CHN2: variants seen among roughly 807,000 people sequenced by gnomAD.
CHN2 encodes beta-chimaerin.
In CHN2, 35 loss-of-function variants were observed where a neutral mutation model predicts 56.3. The ratio of observed to expected loss-of-function variants is 0.62; its 90% CI spans 0.47 to 0.82. The LOEUF is 0.82. CHN2 is among the 40% of genes least tolerant of loss of function. The pLI is 0.00. For synonymous variants in CHN2, 210 were observed against 212.8 expected, an observed-to-expected ratio of 0.99 and a Z score of 0.12; for missense variants, 491 against 580.5, an observed-to-expected ratio of 0.85 and a Z score of 1.58.
intron 1 of CHN2, among the ~76,000 whole-genome samples, chr7:29,223,439 C>A (rs186365693): frequency 6.6e-6 from 1 of 152,288 alleles, no homozygotes; most frequent in East Asian, 1.9e-4. Context: ...CTCCCCATAT[C>A]AATCACTATG....
intron 3 of CHN2, among the ~76,000 whole-genome samples, chr7:29,371,178 G>A (rs138633799): frequency 5.9e-5 from 9 of 152,264 alleles, no homozygotes; most frequent in East Asian, 1.9e-4. Flanking sequence ...GGACAGAGTC[G>A]AAGTGATGAC....
At chr7:29,254,205 T>A (rs1174458205) in intron 1 of CHN2, among the ~76,000 whole-genome samples, 2 of 152,174 alleles carry the variant, frequency 1.3e-5, no homozygotes, top group Non-Finnish European at 2.9e-5. Flanking sequence ...ACCCAGCCGC[T>A]ATTCTTTTTC....
intron 1 of CHN2, among the ~76,000 whole-genome samples, chr7:29,350,665 G>A (rs1312158586): frequency 2.6e-5 from 4 of 152,194 alleles, no homozygotes; most frequent in Admixed American, 2.6e-4. Context: ...TGAAGAGAGA[G>A]AAGACAACAG....
At chr7:29,312,903 A>G (rs969586509) in intron 1 of CHN2, among the ~76,000 whole-genome samples, 1 of 150,924 alleles carries the variant, frequency 6.6e-6, no homozygotes, top group Non-Finnish European at 1.5e-5. Context: ...GCCTCCCCAC[A>G]CTCCAGTCTC....
chr7:29,255,275 G>A (rs1467373260), intron 1 of CHN2, among the ~76,000 whole-genome samples: 5 of 152,184 alleles, frequency 3.3e-5, no homozygotes, highest in Non-Finnish European at 7.3e-5. Context: ...CTCCAGGGAA[G>A]GCCATCGAGC....
At chr7:29,240,864 TCTTCTTCCTTCTTC>T (rs547619658) in intron 1 of CHN2, among the ~76,000 whole-genome samples, 77 of 152,042 alleles carry the variant, frequency 5.1e-4, no homozygotes, top group Admixed American at 1.0e-3. Flanking sequence ...CTTTCTTCTT[TCTTCTTCCTTCTTC>T]CTTCTTCCTT....
intron 6 of CHN2, among the ~76,000 whole-genome samples, chr7:29,467,540 C>T (rs1231843527): frequency 1.3e-5 from 2 of 152,206 alleles, no homozygotes; most frequent in Non-Finnish European, 2.9e-5. Flanking sequence ...TGCAGACACA[C>T]GCATTTATCC....
intron 1 of CHN2, among the ~76,000 whole-genome samples, chr7:29,234,736 C>T (rs545624798): frequency 3.3e-5 from 5 of 152,164 alleles, no homozygotes; most frequent in Non-Finnish European, 7.4e-5. Context: ...TCACATGAGC[C>T]TTCTGTACTC....
intron 1 of CHN2, among the ~76,000 whole-genome samples, chr7:29,243,187 A>T (rs1052061422): frequency 6.6e-6 from 1 of 152,116 alleles, no homozygotes; most frequent in African/African-American, 2.4e-5. Flanking sequence ...AATTTTTTCA[A>T]TTTTTTTAAT....
chr7:29,237,921 T>A (rs1172659638), intron 1 of CHN2, among the ~76,000 whole-genome samples: 6 of 151,968 alleles, frequency 3.9e-5, no homozygotes, highest in Non-Finnish European at 7.4e-5. Flanking sequence ...TCTTTCCTGC[T>A]GCACGGCACA....
chr7:29,214,889 A>G (rs1173299111), intron 1 of CHN2, among the ~76,000 whole-genome samples: 1 of 152,094 alleles, frequency 6.6e-6, no homozygotes, highest in East Asian at 1.9e-4. Flanking sequence ...GCCAGCCACC[A>G]TGCTTGGCTT....
chr7:29,282,757 T>G (rs1791823761), intron 1 of CHN2, among the ~76,000 whole-genome samples: 1 of 152,134 alleles, frequency 6.6e-6, no homozygotes, highest in African/African-American at 2.4e-5. Context: ...TGTGAGCAGT[T>G]TATACTAACA....
intron 2 of CHN2, among the ~76,000 whole-genome samples, chr7:29,185,226 A>G (rs1798565921): frequency 1.3e-5 from 2 of 152,194 alleles, no homozygotes; most frequent in Non-Finnish European, 2.9e-5. Context: ...GCTGGAAAAC[A>G]TCTGCCTCAC....
chr7:29,417,916 C>T (rs986295718), intron 6 of CHN2, among the ~76,000 whole-genome samples: 1 of 152,162 alleles, frequency 6.6e-6, no homozygotes, highest in Non-Finnish European at 1.5e-5. Context: ...AAGACACGTG[C>T]TAGGGGCCTG....
chr7:29,182,995 A>G (rs754187259), intron 2 of CHN2, among the ~76,000 whole-genome samples: 5 of 152,168 alleles, frequency 3.3e-5, no homozygotes, highest in African/African-American at 2.4e-5. Flanking sequence ...GAAGGGATAT[A>G]TGAAAACAGC....
In CHN2 at chr7:29,480,341, GAC is replaced by G. The variant is rs1787051223; in HGVS notation, c.645_646del (p.His215GlnfsTer3). 2 of 1,614,052 alleles carry G rather than the reference GAC, an allele frequency of 1.2e-6. No individual in the cohort carries two copies. The highest frequency in any genetic ancestry group is 1.3e-5 in the African/African-American group (1 of 74,914). ...HNDNHFNYEK[T>X]HNFKVHTFRG... ...ACGACAACCACTTCAATTATGAGAA[GAC>G]ACACAACTTTAAGGTAAGCAAGCCT... On this transcript the variant is annotated frameshift_variant, in exon 7 of 13. Transcript: ENST00000222792. LOFTEE classifies it high-confidence loss of function.
intron 1 of CHN2, among the ~76,000 whole-genome samples, chr7:29,275,619 C>A (rs1228979557): frequency 3.3e-5 from 5 of 152,158 alleles, no homozygotes; most frequent in Admixed American, 3.3e-4. Flanking sequence ...GCTAAGTACT[C>A]GGTATGTAAT....
At chr7:29,316,367 C>T (rs1268192618) in intron 1 of CHN2, among the ~76,000 whole-genome samples, 1 of 152,132 alleles carries the variant, frequency 6.6e-6, no homozygotes, top group Non-Finnish European at 1.5e-5. Context: ...TTTATAATTT[C>T]AGGTAAGGCA....
chr7:29,392,298 T>C (rs1433461891), intron 3 of CHN2, among the ~76,000 whole-genome samples: 1 of 152,226 alleles, frequency 6.6e-6, no homozygotes, highest in Non-Finnish European at 1.5e-5. Context: ...TGACAACATA[T>C]TCAATTCTCA....
Sources: allele counts gnomAD v4.1 joint callset (sites outside exome capture counted in the v4.1 genomes callset), GRCh38; gene constraint gnomAD v4.1.1; transcripts MANE v1.5; gene names NCBI Gene and HGNC (gene_info 2026-07-23, HGNC 2026-07-21).